The following ANK3 variants were observed in gnomAD, a reference collection of about 807,000 sequenced individuals.
ANK3 encodes ankyrin-3.
In ANK3, 57 loss-of-function variants were observed where a neutral mutation model predicts 370.9. That is an observed-to-expected ratio of 0.15 (90% confidence interval 0.12 to 0.19). The LOEUF (loss-of-function observed/expected upper bound fraction) is 0.19. Among genes scored for constraint, ANK3 ranks in the 10% least tolerant of loss-of-function variants. The pLI is 1.00. For synonymous variants in ANK3, 1,929 were observed against 1,946.3 expected, an observed-to-expected ratio of 0.99 and a Z score of 0.23; for missense variants, 4,439 against 5,302.1, an observed-to-expected ratio of 0.84 and a Z score of 5.06.
intron 2 of ANK3, among the ~76,000 whole-genome samples, chr10:60,416,695 T>C (rs2063676097): frequency 6.6e-6 from 1 of 152,184 alleles, no homozygotes; most frequent in Admixed American, 6.5e-5. Context: ...TAAAAATTCA[T>C]TTTCTCAGTC....
intron 1 of ANK3, among the ~76,000 whole-genome samples, chr10:60,316,331 A>C (rs1342350937): frequency 6.6e-6 from 1 of 152,132 alleles, no homozygotes; most frequent in Non-Finnish European, 1.5e-5. Context: ...AAAAAGCAGG[A>C]AGTCTCATGG....
At chr10:60,244,399 T>G (rs1167734749) in intron 7 of ANK3, among the ~76,000 whole-genome samples, 1 of 152,092 alleles carries the variant, frequency 6.6e-6, no homozygotes, top group Non-Finnish European at 1.5e-5. Context: ...TTATACAGCC[T>G]TTTAGTTTGG....
chr10:60,070,803 G>A lies in ANK3; in HGVS notation c.10078C>T (p.Leu3360=). 1 of 1,614,146 alleles carries A rather than the reference G, an allele frequency of 6.2e-7. No homozygotes were observed. The highest frequency in any genetic ancestry group is 8.5e-7 in the Non-Finnish European group (1 of 1,180,014). Reference sequence around the variant, plus strand: ...TCTTTTCCAGATCCATTACTTTCCAGTTCTTTCTGGTTGGAAGCCTTTTCA... The same window carrying A: ...TCTTTTCCAGATCCATTACTTTCCAATTCTTTCTGGTTGGAAGCCTTTTCA... ...SAEKASNQKE[L]ESNGSGKDNE... The change falls in exon 37 of 44, where the codon CTG becomes TTG. Residue 3360 remains leucine (L), a synonymous_variant. Coordinates refer to ENST00000280772, the MANE Select transcript of ANK3 (RefSeq NM_020987.5). The surrounding 1 kb of genome is among the most constrained non-coding windows in gnomAD (Gnocchi z 5.7).
chr10:60,720,352 G>C (rs1356378902), intron 1 of ANK3, among the ~76,000 whole-genome samples: 1 of 152,136 alleles, frequency 6.6e-6, no homozygotes, highest in Admixed American at 6.5e-5. Context: ...ATGGGTCTTT[G>C]AGAAATGAAT....
rs553695085 is a variant in ANK3 at position 60,071,962 on chromosome 10, A to G, written c.8919T>C (p.Ser2973=). Reference sequence around the variant, plus strand: ...GTTCACAAAAACCATCGGGAATATTAGAAGACAGCATTCTCCTCTCATCAG... The same window carrying G: ...GTTCACAAAAACCATCGGGAATATTGGAAGACAGCATTCTCCTCTCATCAG... ...RVADERRMLS[S]NIPDGFCEQS... Residue 2973 remains serine, a synonymous_variant, in exon 37 of 44, where the codon TCT becomes TCC. Transcript: ENST00000280772. 100 of 1,614,092 alleles carry G rather than the reference A, an allele frequency of 6.2e-5. No homozygotes were observed. In the South Asian group the frequency reaches 9.3e-4, roughly 15 times the overall value.
chr10:60,445,486 A>T (rs781538278), intron 2 of ANK3, among the ~76,000 whole-genome samples: 1 of 96,872 alleles, frequency 1.0e-5, no homozygotes, highest in East Asian at 3.5e-4. Context: ...ATAGTGATTT[A>T]AAAAAAAAAA....
At chr10:60,310,893 G>C (rs1016822283) in intron 1 of ANK3, among the ~76,000 whole-genome samples, 4 of 152,076 alleles carry the variant, frequency 2.6e-5, no homozygotes, top group Non-Finnish European at 5.9e-5. Context: ...GTCACATCAC[G>C]GTCCACTACT....
intron 1 of ANK3, among the ~76,000 whole-genome samples, chr10:60,294,156 A>G (rs2042032269): frequency 6.6e-6 from 1 of 151,540 alleles, no homozygotes; most frequent in Non-Finnish European, 1.5e-5. Context: ...CATTTTCCCA[A>G]CAGTTTTTTT....
At chr10:60,211,329 A>T (rs2096851174) in intron 9 of ANK3, among the ~76,000 whole-genome samples, 1 of 152,074 alleles carries the variant, frequency 6.6e-6, no homozygotes, top group Non-Finnish European at 1.5e-5. Context: ...AGTGACGAGG[A>T]TCTGGACCAA....
intron 1 of ANK3, among the ~76,000 whole-genome samples, chr10:60,679,293 C>T (rs2079163970): frequency 1.3e-5 from 2 of 152,064 alleles, no homozygotes; most frequent in Admixed American, 6.5e-5. Context: ...GGAGAGGGCC[C>T]CCCTCCCACC....
intron 2 of ANK3, among the ~76,000 whole-genome samples, chr10:60,447,280 G>T (rs1179739538): frequency 2.0e-5 from 3 of 152,154 alleles, no homozygotes; most frequent in Non-Finnish European, 4.4e-5. Flanking sequence ...TGCGACAAAG[G>T]GGTATCAGGA....
chr10:60,192,627 A>T (rs1246708505), intron 16 of ANK3, among the ~76,000 whole-genome samples: 1 of 152,142 alleles, frequency 6.6e-6, no homozygotes, highest in African/African-American at 2.4e-5. Flanking sequence ...CTTGCCTGAA[A>T]GCGAGAGCTA....
chr10:60,117,208 A>AGTG (rs1302284595), intron 25 of ANK3, among the ~76,000 whole-genome samples: 1 of 152,230 alleles, frequency 6.6e-6, no homozygotes, highest in Non-Finnish European at 1.5e-5. Flanking sequence ...GTACTCCACC[A>AGTG]AAGTGAAGGA....
chr10:60,069,446 G>A lies in ANK3; in HGVS notation c.11435C>T (p.Ser3812Phe), dbSNP rs906230824. 1 of 1,613,946 alleles carries A rather than the reference G, an allele frequency of 6.2e-7. No individual in the cohort carries two copies. Among genetic ancestry groups the A allele is most frequent in the African/African-American group, 1.3e-5 (1 of 74,892 alleles). Residue 3812 changes from serine to phenylalanine, a missense_variant, in exon 37 of 44, where the codon TCT becomes TTT. Around this residue, in one of 13 missense-constraint regions of ANK3, gnomAD observed 496 missense variants for 529.3 expected, o/e 0.94. Transcript: ENST00000280772. ...IMSNIVLTEH[S>F]APTCTTEKDN... ...TTTCTCTGTGGTACAAGTGGGTGCAGAATGTTCTGTCAGAACTATATTACT... is the reference window on the plus strand; with the variant it reads ...TTTCTCTGTGGTACAAGTGGGTGCAAAATGTTCTGTCAGAACTATATTACT...
At chr10:60,273,852 G>T (rs1566161773) in intron 4 of ANK3, among the ~76,000 whole-genome samples, 3 of 152,296 alleles carry the variant, frequency 2.0e-5, no homozygotes, top group African/African-American at 7.2e-5. Flanking sequence ...TGTAAAATGT[G>T]ACTTTGCTCC....
chr10:60,101,766 T>C (rs2091295250), intron 28 of ANK3, among the ~76,000 whole-genome samples: 1 of 152,206 alleles, frequency 6.6e-6, no homozygotes, highest in Admixed American at 6.5e-5. Context: ...AAGGAGTAAC[T>C]TTTAATTCCC....
chr10:60,173,261 A>AATCATTATT, intron 18 of ANK3, 75 bp from the exon 19 acceptor site: 1 of 1,175,754 alleles, frequency 8.5e-7, no homozygotes, highest in Admixed American at 2.5e-5. Flanking sequence ...ACAGAAGCAA[A>AATCATTATT]ATCATTATTT....
At chr10:60,212,928 G>A (rs1284625909) in intron 9 of ANK3, among the ~76,000 whole-genome samples, 2 of 152,002 alleles carry the variant, frequency 1.3e-5, no homozygotes, top group Non-Finnish European at 2.9e-5. Flanking sequence ...ATCATCATGT[G>A]TTCCTTTCAG....
In ANK3 at chr10:60,389,752, T is replaced by C. The variant is rs902795931; in HGVS notation, c.-214A>G. ...GTCCGGACTTCATCCTACACCTTCC[T>C]CTACCTGAACCTTTACAGGAGAGTG... On this transcript the variant is annotated 5_prime_UTR_variant, in exon 1 of 44. Transcript: ENST00000280772. 2.1e-6 allele frequency: 3 copies of C among 1,405,310 alleles called. No individual in the cohort carries two copies. The highest frequency in any genetic ancestry group is 1.6e-5 in the South Asian group (1 of 63,796). 87.1% of individuals were successfully genotyped at this position (1,405,310 alleles called of 1,614,324 possible).
Sources: allele counts gnomAD v4.1 joint callset (sites outside exome capture counted in the v4.1 genomes callset), GRCh38; gene constraint gnomAD v4.1.1; regional missense constraint gnomAD v4.1.1; non-coding constraint Gnocchi (gnomAD v3.1); transcripts MANE v1.5; gene names NCBI Gene and HGNC (gene_info 2026-07-23, HGNC 2026-07-21).